ARHGAP6: variants seen among roughly 807,000 people sequenced by gnomAD.
ARHGAP6 encodes rho GTPase-activating protein 6.
A neutral mutation model predicts 55.7 loss-of-function variants in ARHGAP6; 16 were observed. The ratio of observed to expected loss-of-function variants is 0.29; its 90% CI spans 0.19 to 0.44. The LOEUF (loss-of-function observed/expected upper bound fraction) is 0.44. ARHGAP6 is among the 20% of genes least tolerant of loss of function. The pLI, the probability that ARHGAP6 is intolerant of heterozygous loss-of-function variation, is 1.00. For synonymous variants in ARHGAP6, 382 were observed against 360.9 expected (o/e 1.06, Z -0.66); for missense variants, 698 against 808.9 (o/e 0.86, Z 1.66).
chrX:11,177,924 T>C (rs2046256030), intron 8 of ARHGAP6, among the ~76,000 whole-genome samples, 176 bp downstream of exon 8: 1 of 111,529 alleles, frequency 9.0e-6, no homozygotes, highest in Non-Finnish European at 1.9e-5. Flanking sequence ...GCCCATGCAC[T>C]TTTAGGAACT....
At chrX:11,399,118 C>G (rs1444935561) in intron 1 of ARHGAP6, among the ~76,000 whole-genome samples, 1 of 111,539 alleles carries the variant, frequency 9.0e-6, no homozygotes, top group Non-Finnish European at 1.9e-5. Flanking sequence ...AGGACACACA[C>G]AGAGATCTGT....
chrX:11,176,490 T>C (rs770395254), intron 8 of ARHGAP6, among the ~76,000 whole-genome samples: 3 of 104,471 alleles, frequency 2.9e-5, no homozygotes, highest in African/African-American at 1.0e-4. Context: ...AGCAATTGAA[T>C]GGAAAGAATG....
intron 1 of ARHGAP6, among the ~76,000 whole-genome samples, chrX:11,550,130 A>G (rs986124539): frequency 7.1e-5 from 8 of 112,102 alleles, no homozygotes; most frequent in African/African-American, 2.6e-4. Flanking sequence ...TTCAATATGC[A>G]GAGAAAAAGG....
In ARHGAP6 at chrX:11,156,688, A is replaced by C. The variant is rs934311984; in HGVS notation, c.1810-62T>G. 8 of 884,514 alleles carry C rather than the reference A, an allele frequency of 9.0e-6. No individual in the cohort carries two copies. The African/African-American group carries it at 1.2e-4, about 13-fold the overall frequency. 72.9% of individuals were successfully genotyped at this position (884,514 alleles called of 1,213,427 possible). ...TTCCAGAAACAGGCAACATATGGTC[A>C]CTGACAATTTTACTGTAGCACAAAA... On this transcript the variant is annotated intron_variant, in intron 9 of 12. Coordinates refer to ENST00000337414, the MANE Select transcript of ARHGAP6 (RefSeq NM_013427.3).
chrX:11,432,362 T>C (rs779520285), intron 1 of ARHGAP6, among the ~76,000 whole-genome samples: 1 of 112,181 alleles, frequency 8.9e-6, no homozygotes, highest in Admixed American at 9.4e-5. Flanking sequence ...TGATGGACAT[T>C]TATGTCCTTT....
chrX:11,518,760 A>G (rs2050876764), intron 1 of ARHGAP6, among the ~76,000 whole-genome samples: 1 of 96,596 alleles, frequency 1.0e-5, no homozygotes, highest in Non-Finnish European at 2.1e-5. Flanking sequence ...CATTAGGTAT[A>G]TCTCCTAATG....
intron 1 of ARHGAP6, among the ~76,000 whole-genome samples, chrX:11,364,532 C>T (rs1014788553): frequency 4.5e-5 from 5 of 110,794 alleles, no homozygotes; most frequent in African/African-American, 6.6e-5. Context: ...CCTTCCGCCA[C>T]GTGACCAAGG....
At chrX:11,199,014 G>A (rs1357472552) in intron 2 of ARHGAP6, among the ~76,000 whole-genome samples, 1 of 111,978 alleles carries the variant, frequency 8.9e-6, no homozygotes, top group South Asian at 3.7e-4. Flanking sequence ...CCTGTTTTGG[G>A]ATGCATACAG....
intron 1 of ARHGAP6, among the ~76,000 whole-genome samples, chrX:11,284,341 G>T (rs1001626919): frequency 1.8e-5 from 2 of 112,131 alleles, no homozygotes; most frequent in African/African-American, 6.5e-5. Flanking sequence ...ACCACATTTT[G>T]AGAGCCATTG....
Position 11,223,242 on chromosome X carries a change from C to T in ARHGAP6, c.749-26246G>A, listed in dbSNP as rs761805632. On this transcript the variant is annotated intron_variant, in intron 2 of 12. Transcript: ENST00000337414. ...CAACGAAACAAACAACAAAATTAAACGTATTTTGAGAACAATACAACTAAA... is the reference window on the plus strand; with the variant it reads ...CAACGAAACAAACAACAAAATTAAATGTATTTTGAGAACAATACAACTAAA... 24 of 151,200 alleles carry T rather than the reference C, an allele frequency of 1.6e-4. 1 individual carries two copies. Among genetic ancestry groups the T allele is most frequent in the Admixed American group, 5.4e-4 (6 of 11,101 alleles). 12.5% of individuals were successfully genotyped at this position (151,200 alleles called of 1,213,427 possible).
intron 10 of ARHGAP6, among the ~76,000 whole-genome samples, chrX:11,146,933 G>T (rs756513647): frequency 9.9e-5 from 11 of 110,919 alleles, no homozygotes; most frequent in African/African-American, 3.6e-4. Flanking sequence ...ATTTGCCTAA[G>T]AACCTATGTC....
intron 5 of ARHGAP6, among the ~76,000 whole-genome samples, chrX:11,185,451 A>G (rs763012277): frequency 1.5e-4 from 17 of 112,041 alleles, no homozygotes; most frequent in African/African-American, 5.5e-4. Context: ...AACAGTAGTT[A>G]TATCTATATG....
intron 1 of ARHGAP6, among the ~76,000 whole-genome samples, chrX:11,507,912 C>T (rs1054760759): frequency 8.9e-6 from 1 of 111,874 alleles, no homozygotes; most frequent in African/African-American, 3.2e-5. Flanking sequence ...GTAGTATGCA[C>T]TCATTCAACA....
chrX:11,210,680 G>A (rs143974104), intron 2 of ARHGAP6, among the ~76,000 whole-genome samples: 2,590 of 112,097 alleles, frequency 0.023, 84 homozygotes, highest in African/African-American at 0.08. Flanking sequence ...TTTCAGACAC[G>A]TTCCACAAAC....
intron 1 of ARHGAP6, among the ~76,000 whole-genome samples, chrX:11,596,464 C>T (rs1215859033): frequency 9.0e-6 from 1 of 110,901 alleles, no homozygotes; most frequent in African/African-American, 3.3e-5. Flanking sequence ...AGGAGAAATA[C>T]CTAATGTAGG....
chrX:11,360,303 C>T (rs2048992541), intron 1 of ARHGAP6, among the ~76,000 whole-genome samples: 1 of 111,415 alleles, frequency 9.0e-6, no homozygotes. Flanking sequence ...AAAAGCTTAT[C>T]CACCATGATC....
intron 1 of ARHGAP6, among the ~76,000 whole-genome samples, chrX:11,575,313 C>T (rs1005073355): frequency 2.7e-5 from 3 of 111,880 alleles, no homozygotes; most frequent in African/African-American, 6.5e-5. Context: ...CCAATGCAAA[C>T]GAAAACTAAA....
chrX:11,344,299 G>A (rs1385997469), intron 1 of ARHGAP6, among the ~76,000 whole-genome samples: 1 of 111,396 alleles, frequency 9.0e-6, no homozygotes, highest in Non-Finnish European at 1.9e-5. Flanking sequence ...TCCCCTTGCG[G>A]GGGCAAATAG....
chrX:11,322,756 T>A (rs1486523189), intron 1 of ARHGAP6, among the ~76,000 whole-genome samples: 1 of 112,579 alleles, frequency 8.9e-6, no homozygotes, highest in African/African-American at 3.2e-5. Context: ...TTTTTCATAT[T>A]TAAGCACAAT....
Sources: gnomAD v4.1 joint callset for allele counts (sites outside exome capture counted in the v4.1 genomes callset) on GRCh38, gnomAD v4.1.1 for gene constraint, MANE v1.5 for transcripts, NCBI Gene and HGNC (gene_info 2026-07-23, HGNC 2026-07-21) for gene names.